The following PPL variants were observed in gnomAD, a reference collection of about 807,000 sequenced individuals.
The protein encoded by PPL is periplakin, also known as 190 kDa paraneoplastic pemphigus antigen.
A neutral mutation model predicts 194.4 loss-of-function variants in PPL; 198 were observed. The observed-to-expected ratio is 1.02, with a 90% CI of 0.91 to 1.15. The LOEUF is 1.15. PPL is among the 50% of genes most tolerant of loss of function. PPL has a pLI of 0.00. For missense variants in PPL, 2,885 were observed against 2,294.8 expected (o/e 1.26, Z -5.25); for synonymous variants, 1,220 against 972.4 (o/e 1.25, Z -4.74).
intron 1 of PPL, among the ~76,000 whole-genome samples, chr16:4,934,589 A>C (rs549547869): frequency 6.6e-6 from 1 of 152,124 alleles, no homozygotes; most frequent in East Asian, 1.9e-4. Context: ...TCAGTGCTGG[A>C]GCTCCTACTG....
At chr16:4,917,566 A>C (rs1488521074) in intron 1 of PPL, among the ~76,000 whole-genome samples, 1 of 152,086 alleles carries the variant, frequency 6.6e-6, no homozygotes, top group East Asian at 1.9e-4. Flanking sequence ...AAATGTTCTA[A>C]AATCAATCGT....
chr16:4,892,288 C>A (rs2088335792), intron 14 of PPL, 75 bp from the exon 15 acceptor site: 2 of 1,456,208 alleles, frequency 1.4e-6, no homozygotes, highest in East Asian at 2.3e-5. Context: ...CCAGGGTGAG[C>A]ACAGATTCCC....
At position 4,916,056 on chromosome 16, in the gene PPL, G is replaced by A. The variant is rs531863524; in HGVS notation, c.63-5107C>T. On this transcript the variant is annotated intron_variant, in intron 1 of 21. Coordinates refer to ENST00000345988, the MANE Select transcript of PPL (RefSeq NM_002705.5). The stretch of plus-strand genomic sequence containing the variant: ...TATAATAAAAAAGACAATAACAAGT[G>A]TTGGCAAAAATGTGGAGAAATTGGA... Among the ~76,000 whole-genome samples the A allele has an allele frequency of 8.0e-4, 122 of 152,296 alleles. 1 individual carries two copies. Among genetic ancestry groups the A allele is most frequent in the South Asian group, 6.4e-3 (31 of 4,818 alleles).
chr16:4,887,664 G>A (rs746480326), intron 20 of PPL, among the ~76,000 whole-genome samples: 2 of 152,188 alleles, frequency 1.3e-5, no homozygotes, highest in Non-Finnish European at 2.9e-5. Flanking sequence ...GTGCCATGGT[G>A]TGATTGTAGC....
chr16:4,913,746 A>G (rs1251204574), intron 1 of PPL, among the ~76,000 whole-genome samples: 1 of 152,170 alleles, frequency 6.6e-6, no homozygotes, highest in Non-Finnish European at 1.5e-5. Context: ...AGGGAAACCA[A>G]CTTGGCCATT....
rs1233252651 is a variant in PPL, at chr16:4,900,873, T to C, written c.565-2A>G. 6.2e-7 allele frequency: 1 copy of C among 1,614,144 alleles called. No homozygotes were observed. The highest frequency in any genetic ancestry group is 8.5e-7 in the Non-Finnish European group (1 of 1,180,032). The stretch of plus-strand genomic sequence containing the variant: ...GGCCCGGAGTTCGCTGTTCTGCTCC[T>C]GAGGACAGAGCCGAGGGCATGGGTC... On this transcript the variant is annotated splice_acceptor_variant, in intron 5 of 21. Transcript: ENST00000345988. LOFTEE classifies it high-confidence loss of function.
At chr16:4,895,087 G>C (rs752326857) in intron 11 of PPL, among the ~76,000 whole-genome samples, 174 bp downstream of exon 11, 2 of 152,206 alleles carry the variant, frequency 1.3e-5, no homozygotes. Flanking sequence ...GGGCAGCCGA[G>C]GTGGGGGCGG....
rs1245270511 is a variant in PPL at position 4,885,267 on chromosome 16, C to A, written c.3388G>T (p.Val1130Phe). 6.2e-7 allele frequency: 1 copy of A among 1,612,258 alleles called. No individual in the cohort carries two copies. The highest frequency in any genetic ancestry group is 1.7e-5 in the Admixed American group (1 of 59,996). ...TCATATTGGCGGGTGAGATCGCTGA[C>A]CTCCCTCTCGGTGGCCGCGTCCTTC... ...VEKDAATERE[V>F]SDLTRQYEDE... The change falls in exon 22 of 22, where the codon GTC (valine) becomes TTC (phenylalanine). Residue 1130 changes from valine (V) to phenylalanine (F), a missense_variant. By Grantham distance (50) the Val-to-Phe change is conservative. Transcript: ENST00000345988. This position sits in a 1 kb window ranked among gnomAD's most constrained non-coding sequence, Gnocchi z 6.3.
Position 4,884,672 on chromosome 16 carries a change from T to A in PPL, c.3983A>T (p.Glu1328Val). The A allele has an allele frequency of 9.9e-6, 16 of 1,614,130 alleles. No homozygotes were observed. The highest frequency in any genetic ancestry group is 1.4e-5 in the Non-Finnish European group (16 of 1,180,028). ...EQKKQVDLER[E>V]RASQEEQIAR... ...GATCTGCTCTTCCTGGGAAGCTCTT[T>A]CCCTCTCCAGATCCACTTGTTTCTT... The change falls in exon 22 of 22, where the codon GAA (glutamate) becomes GTA (valine). Residue 1328 changes from glutamate to valine, a missense_variant. By Grantham distance (121) the Glu-to-Val change is moderately radical. Transcript: ENST00000345988. This position sits in a 1 kb window ranked among gnomAD's most constrained non-coding sequence, Gnocchi z 5.7.
intron 1 of PPL, among the ~76,000 whole-genome samples, chr16:4,936,259 G>A (rs905111573): frequency 6.6e-6 from 1 of 152,184 alleles, no homozygotes; most frequent in East Asian, 1.9e-4. Context: ...GCTTCGAAGA[G>A]GAGGCCCCGA....
chr16:4,896,368 G>A (rs954531888), intron 9 of PPL, among the ~76,000 whole-genome samples: 1 of 152,192 alleles, frequency 6.6e-6, no homozygotes, highest in Non-Finnish European at 1.5e-5. Context: ...AAACACAGTG[G>A]TCTAGCCATA....
intron 8 of PPL, among the ~76,000 whole-genome samples, chr16:4,898,421 C>T (rs1311977589): frequency 1.3e-5 from 2 of 152,148 alleles, no homozygotes; most frequent in Non-Finnish European, 2.9e-5. Context: ...AGAATGCGAC[C>T]TTATTTGGGA....
At chr16:4,893,162 G>A in intron 14 of PPL, 51 bp downstream of exon 14, 1 of 1,455,800 alleles carries the variant, frequency 6.9e-7, no homozygotes, top group Middle Eastern at 2.5e-4. Context: ...GGCCCCAGGG[G>A]GCCAGTGCAG....
At chr16:4,919,830 T>C (rs1293876051) in intron 1 of PPL, among the ~76,000 whole-genome samples, 4 of 152,006 alleles carry the variant, frequency 2.6e-5, no homozygotes, top group Admixed American at 6.6e-5. Flanking sequence ...TTGAGAAGCT[T>C]AGGTGGGAGA....
chr16:4,891,980 C>T (rs750133231), intron 15 of PPL, 31 bp from the exon 16 acceptor site: 1 of 1,610,328 alleles, frequency 6.2e-7, no homozygotes, highest in Non-Finnish European at 8.5e-7. Flanking sequence ...TCGGGGGATG[C>T]CCACCTGGCC....
At chr16:4,915,698 G>A (rs1163552089) in intron 1 of PPL, among the ~76,000 whole-genome samples, 2 of 152,164 alleles carry the variant, frequency 1.3e-5, no homozygotes, top group Admixed American at 6.6e-5. Context: ...CTCCACCATC[G>A]TAATATGAGC....
Position 4,890,630 on chromosome 16 carries a change from A to C in PPL, c.2162+98T>G, listed in dbSNP as rs2088301218. 6 of 1,412,120 alleles carry C rather than the reference A, an allele frequency of 4.2e-6. No individual in the cohort carries two copies. The South Asian group carries it at 8.6e-5, about 20-fold the overall frequency. The allele number at this position is 1,412,120 out of a possible 1,614,324, so 87.5% of individuals were successfully genotyped here. ...ATCTGACGAACTCACCAAAAAGAAA[A>C]ACAGCAAAATCTGTGGGACACGGCT... On this transcript the variant is annotated intron_variant, in intron 17 of 21. Transcript: ENST00000345988.
chr16:4,918,280 A>G (rs1249023151), intron 1 of PPL, among the ~76,000 whole-genome samples: 9 of 129,970 alleles, frequency 6.9e-5, no homozygotes, highest in South Asian at 3.1e-4. Flanking sequence ...GCGACAGAGC[A>G]AGACTCCATT....
chr16:4,897,618 G>A, intron 9 of PPL, 57 bp downstream of exon 9: 6 of 1,398,104 alleles, frequency 4.3e-6, no homozygotes, highest in Admixed American at 3.4e-5. Context: ...TAGGCACTGA[G>A]CGCTCTCAGA....
Sources: gnomAD v4.1 joint callset for allele counts (sites outside exome capture counted in the v4.1 genomes callset) on GRCh38, gnomAD v4.1.1 for gene constraint, Gnocchi (gnomAD v3.1) non-coding constraint, MANE v1.5 for transcripts, NCBI Gene and HGNC (gene_info 2026-07-23, HGNC 2026-07-21) for gene names.